APLP1: variants seen among roughly 807,000 people sequenced by gnomAD.
The protein encoded by APLP1 is amyloid beta (A4) precursor-like protein 1.
A neutral mutation model predicts 84.5 loss-of-function variants in APLP1; 46 were observed. That is an observed-to-expected ratio of 0.54 (90% confidence interval 0.43 to 0.70). APLP1 has a LOEUF of 0.70. Ranked by LOEUF, APLP1 falls within the 30% of genes least tolerant of loss-of-function variation. The pLI, the probability that APLP1 is intolerant of heterozygous loss-of-function variation, is 0.00. For synonymous variants in APLP1, 376 were observed against 364.0 expected, an observed-to-expected ratio of 1.03 and a Z score of -0.38; for missense variants, 826 against 900.2, an observed-to-expected ratio of 0.92 and a Z score of 1.05.
chr19:35,878,195 C>A, intron 13 of APLP1, 87 bp downstream of exon 13: 1 of 1,415,632 alleles, frequency 7.1e-7, no homozygotes, highest in Non-Finnish European at 9.7e-7. Context: ...TTGGGAACCT[C>A]AGACCCCCTG....
chr19:35,869,247 TC>T lies in APLP1; in HGVS notation c.148-418del, dbSNP rs1416520097. ...CTCTCCAGTCCTCAAGGACCTGGTG[TC>T]CAGGACTGTAGGCCCCTGAAGCCAG... On this transcript the variant is annotated intron_variant, in intron 1 of 16. Coordinates refer to ENST00000221891, the MANE Select transcript of APLP1 (RefSeq NM_001024807.3). The T allele has an allele frequency of 8.4e-6, 4 of 474,166 alleles. No individual in the cohort carries two copies. In the East Asian group the frequency reaches 1.3e-4, roughly 15 times the overall value. 29.4% of individuals were successfully genotyped at this position (474,166 alleles called of 1,614,324 possible).
At position 35,874,710 on chromosome 19, in the gene APLP1, C is replaced by A; in HGVS notation, c.1216-31C>A. On this transcript the variant is annotated intron_variant, in intron 9 of 16. Transcript: ENST00000221891. This position sits in a 1 kb window ranked among gnomAD's most constrained non-coding sequence, Gnocchi z 6.4. ...GAGCAGAGGGTGAGAAGGGTCAGGG[C>A]GGGCTTGGGCATCCTGTGTCCCTTC... The A allele has an allele frequency of 6.2e-7, 1 of 1,612,062 alleles. No individual in the cohort carries two copies. The highest frequency in any genetic ancestry group is 8.5e-7 in the Non-Finnish European group (1 of 1,178,650).
intron 2 of APLP1, chr19:35,870,301 G>C (rs1274526328): frequency 5.5e-6 from 1 of 181,814 alleles, no homozygotes; most frequent in African/African-American, 2.4e-5. Context: ...TGACCAGAGA[G>C]GTGGGCTTAG....
intron 7 of APLP1, among the ~76,000 whole-genome samples, chr19:35,872,846 G>GT (rs758120842): frequency 0.11 from 16,208 of 143,998 alleles, 1,316 homozygotes; most frequent in African/African-American, 0.23. Flanking sequence ...CACTTTATTG[G>GT]TTTTTTTTTT....
intron 10 of APLP1, among the ~76,000 whole-genome samples, 183 bp downstream of exon 10, chr19:35,875,052 C>G (rs1974248180): frequency 1.3e-5 from 2 of 152,114 alleles, no homozygotes; most frequent in African/African-American, 4.8e-5. Flanking sequence ...CATGGACCCT[C>G]ACATGCTGTG....
intron 7 of APLP1, among the ~76,000 whole-genome samples, chr19:35,873,083 C>G (rs1974197943): frequency 6.6e-6 from 1 of 151,762 alleles, no homozygotes. Flanking sequence ...TGGTCTTGAA[C>G]TCCCGGCGGG....
chr19:35,874,459 G>T lies in APLP1; in HGVS notation c.1057-45G>T. ...TCCAGGCTCTCTTTGACCAGGCTTTGACCCATCTTCTCCTCTCCTGACCCT... is the reference window on the plus strand; with the variant it reads ...TCCAGGCTCTCTTTGACCAGGCTTTTACCCATCTTCTCCTCTCCTGACCCT... On this transcript the variant is annotated intron_variant, in intron 8 of 16. Coordinates refer to ENST00000221891, the MANE Select transcript of APLP1 (RefSeq NM_001024807.3). This position sits in a 1 kb window ranked among gnomAD's most constrained non-coding sequence, Gnocchi z 6.4. 6.2e-7 allele frequency: 1 copy of T among 1,608,030 alleles called. No homozygotes were observed. Among genetic ancestry groups the T allele is most frequent in the Non-Finnish European group, 8.5e-7 (1 of 1,175,484 alleles).
At position 35,871,724 on chromosome 19, in the gene APLP1, AC is replaced by A; in HGVS notation, c.653del (p.Pro218HisfsTer20). 1 of 1,613,668 alleles carries A rather than the reference AC, an allele frequency of 6.2e-7. No individual in the cohort carries two copies. The highest frequency in any genetic ancestry group is 8.5e-7 in the Non-Finnish European group (1 of 1,179,916). ...YVCCPPPGTP[D>X]PSGTAVGDPS... ...TGCTGTCCCCCTCCAGGGACCCCCG[AC>A]CCATCTGGGACAGCAGTTGGGTGAG... On this transcript the variant is annotated frameshift_variant, in exon 5 of 17. Coordinates refer to ENST00000221891, the MANE Select transcript of APLP1 (RefSeq NM_001024807.3). LOFTEE classifies it high-confidence loss of function.
At chr19:35,878,515 C>T in intron 13 of APLP1, 69 bp from the exon 14 acceptor site, 1 of 1,544,980 alleles carries the variant, frequency 6.5e-7, no homozygotes, top group Non-Finnish European at 8.9e-7. Context: ...CACTGCACTC[C>T]AGCCTGGGTG....
At position 35,878,963 on chromosome 19, in the gene APLP1, G is replaced by GTC. The variant is rs772807329; in HGVS notation, c.1713+11_1713+12insTC. Reference sequence around the variant, plus strand: ...CAGAGGGATGAGCTGGTAAGAGGAGGAACAGCCGGGTACCTAGGGGAAGAG... The same window carrying GTC: ...CAGAGGGATGAGCTGGTAAGAGGAGGTCAACAGCCGGGTACCTAGGGGAAGAG... On this transcript the variant is annotated intron_variant, in intron 15 of 16. Coordinates refer to ENST00000221891, the MANE Select transcript of APLP1 (RefSeq NM_001024807.3). The GTC allele has an allele frequency of 1.3e-5, 21 of 1,613,928 alleles. No individual in the cohort carries two copies. Among genetic ancestry groups the GTC allele is most frequent in the African/African-American group, 2.7e-5 (2 of 74,904 alleles).
rs747095333 is a variant in APLP1, at chr19:35,876,471, C to G, written c.1345-46C>G. 4.6e-6 allele frequency: 7 copies of G among 1,527,678 alleles called. No individual in the cohort carries two copies. The South Asian group carries it at 5.6e-5, about 12-fold the overall frequency. The allele number at this position is 1,527,678 out of a possible 1,614,324, so 94.6% of individuals were successfully genotyped here. A position where few individuals can be genotyped will look rare whatever the true frequency, so the allele number is the denominator to read the frequency against. Reference sequence around the variant, plus strand: ...TCATACTGCTTCAGTTTCCTCATCTCCAGCCTGCATTGCGCAGTTCATCCT... The same window carrying G: ...TCATACTGCTTCAGTTTCCTCATCTGCAGCCTGCATTGCGCAGTTCATCCT... On this transcript the variant is annotated intron_variant, in intron 10 of 16. Transcript: ENST00000221891.
Position 35,871,999 on chromosome 19 carries a change from AC to A in APLP1, c.818del (p.Pro273GlnfsTer39), listed in dbSNP as rs1326367333. ...QAEEEEETVP[P>X]PSSHTLAVVG... The stretch of plus-strand genomic sequence containing the variant: ...CTGAAGAGGAAGAGGAAACGGTCCC[AC>A]CCCCAAGCTCCCATACACTTGCAGT... On this transcript the variant is annotated frameshift_variant, in exon 6 of 17. Coordinates refer to ENST00000221891, the MANE Select transcript of APLP1 (RefSeq NM_001024807.3). LOFTEE classifies it high-confidence loss of function. 2 of 1,613,676 alleles carry A rather than the reference AC, an allele frequency of 1.2e-6. No individual in the cohort carries two copies. Among genetic ancestry groups the A allele is most frequent in the Non-Finnish European group, 1.7e-6 (2 of 1,179,956 alleles).
In APLP1 at chr19:35,879,068, CT is replaced by C; in HGVS notation, c.1714-5del. On this transcript the variant is annotated splice_polypyrimidine_tract_variant and splice_region_variant and intron_variant, in intron 15 of 16. Coordinates refer to ENST00000221891, the MANE Select transcript of APLP1 (RefSeq NM_001024807.3). ...AAGCCCTCTGCCCCATCTCCTCTCC[CT>C]GCAGGCACCAGCTGGGACAGGGGTG... The C allele has an allele frequency of 1.2e-6, 2 of 1,612,538 alleles. No individual in the cohort carries two copies. Among genetic ancestry groups the C allele is most frequent in the South Asian group, 2.2e-5 (2 of 91,084 alleles).
In APLP1 at chr19:35,878,761, A is replaced by T. The variant is rs2146916038; in HGVS notation, c.1650+107A>T. 15 of 1,533,642 alleles carry T rather than the reference A, an allele frequency of 9.8e-6. 2 individuals are homozygous for T. In the South Asian group the frequency reaches 1.6e-4, roughly 16 times the overall value. ...GGGCTTGGATTCCTTGTCCTGAGGG[A>T]AGAGGGAGCTGAGGACGTGGAATTG... On this transcript the variant is annotated intron_variant, in intron 14 of 16. Coordinates refer to ENST00000221891, the MANE Select transcript of APLP1 (RefSeq NM_001024807.3).
intron 10 of APLP1, among the ~76,000 whole-genome samples, chr19:35,875,227 T>C (rs935895490): frequency 6.7e-6 from 1 of 149,100 alleles, no homozygotes; most frequent in Non-Finnish European, 1.5e-5. Flanking sequence ...CAGTGTGCGA[T>C]CTTGGCTCAT....
In APLP1 at chr19:35,874,410, C is replaced by T; in HGVS notation, c.1057-94C>T. On this transcript the variant is annotated intron_variant, in intron 8 of 16. Coordinates refer to ENST00000221891, the MANE Select transcript of APLP1 (RefSeq NM_001024807.3). The surrounding 1 kb of genome is among the most constrained non-coding windows in gnomAD (Gnocchi z 6.4). The stretch of plus-strand genomic sequence containing the variant: ...CCAGGCCTGGACCCCTGGAACGCCC[C>T]CCAACCCCATGTAGCCCTGCCTTTC... The T allele has an allele frequency of 3.3e-6, 5 of 1,514,534 alleles. No individual in the cohort carries two copies. Among genetic ancestry groups the T allele is most frequent in the Non-Finnish European group, 4.5e-6 (5 of 1,104,934 alleles). 93.8% of individuals were successfully genotyped at this position (1,514,534 alleles called of 1,614,324 possible).
At position 35,872,030 on chromosome 19, in the gene APLP1, G is replaced by C. The variant is rs199883121; in HGVS notation, c.844G>C (p.Gly282Arg). 1.9e-6 allele frequency: 3 copies of C among 1,613,450 alleles called. No homozygotes were observed. The highest frequency in any genetic ancestry group is 1.6e-4 in the Middle Eastern group (1 of 6,080). ...PPSSHTLAVV[G>R]KVTPTPRPTD... ...AAGCTCCCATACACTTGCAGTGGTC[G>C]GCAAAGGTGAGGCAGTCTCTGAACC... The change falls in exon 6 of 17, where the codon GGC becomes CGC. Residue 282 changes from glycine to arginine, a missense_variant. Physicochemically the swap from Gly to Arg is moderately radical, Grantham distance 125. Coordinates refer to ENST00000221891, the MANE Select transcript of APLP1 (RefSeq NM_001024807.3).
intron 2 of APLP1, 81 bp downstream of exon 2, chr19:35,869,891 A>ATCTAAGGCGTGGAGGC: frequency 6.6e-7 from 1 of 1,505,458 alleles, no homozygotes; most frequent in Non-Finnish European, 8.9e-7. Flanking sequence ...GTGCTGCGCG[A>ATCTAAGGCGTGGAGGC]TCTAAGGCGT....
intron 4 of APLP1, 79 bp downstream of exon 4, chr19:35,871,428 G>C: frequency 1.5e-6 from 2 of 1,351,038 alleles, no homozygotes; most frequent in Non-Finnish European, 2.0e-6. Flanking sequence ...CACCAGAACC[G>C]AGGAGTCTGG....
Sources: allele counts gnomAD v4.1 joint callset (sites outside exome capture counted in the v4.1 genomes callset), GRCh38; gene constraint gnomAD v4.1.1; non-coding constraint Gnocchi (gnomAD v3.1); transcripts MANE v1.5; gene names NCBI Gene and HGNC (gene_info 2026-07-23, HGNC 2026-07-21).